ITPR2: variants seen among roughly 807,000 people sequenced by gnomAD.
The protein encoded by ITPR2 is inositol 1,4,5-trisphosphate receptor type 2.
A neutral mutation model predicts 317.1 loss-of-function variants in ITPR2; 207 were observed. The observed-to-expected ratio is 0.65, with a 90% confidence interval of 0.58 to 0.73. The LOEUF (loss-of-function observed/expected upper bound fraction) is 0.73, where lower values mean the gene tolerates loss of function less well. Ranked by LOEUF, ITPR2 falls within the 30% of genes least tolerant of loss-of-function variation. The pLI, the probability that ITPR2 is intolerant of heterozygous loss-of-function variation, is 0.00. For synonymous variants in ITPR2, 1,156 were observed against 1,149.1 expected, an observed-to-expected ratio of 1.01 and a Z score of -0.12; for missense variants, 2,613 against 3,284.0, an observed-to-expected ratio of 0.80 and a Z score of 4.99.
At chr12:26,355,564 T>A (rs754809878) in intron 55 of ITPR2, among the ~76,000 whole-genome samples, 3 of 152,250 alleles carry the variant, frequency 2.0e-5, no homozygotes, top group African/African-American at 4.8e-5. Context: ...AAAATGCCTA[T>A]AACAATGGGT....
At chr12:26,794,454 A>G (rs1241116048) in intron 1 of ITPR2, among the ~76,000 whole-genome samples, 2 of 152,250 alleles carry the variant, frequency 1.3e-5, no homozygotes, top group African/African-American at 4.8e-5. Context: ...GTCCAGAAAT[A>G]TAAATGAAAT....
rs2035550361 is a variant in ITPR2, at chr12:26,725,179, A to T, written c.280-437T>A. On this transcript the variant is annotated intron_variant, in intron 3 of 56. Coordinates refer to ENST00000381340, the MANE Select transcript of ITPR2 (RefSeq NM_002223.4). ...AAAAACCAACCAGGATAATAGTAGA[A>T]TTTCCAAAGTCTCAAAAATAAAAGT... 2.0e-5 allele frequency among the ~76,000 whole-genome samples: 3 copies of T among 152,270 alleles called. No homozygotes were observed. In the South Asian group the frequency reaches 6.2e-4, roughly 32 times the overall value.
At chr12:26,717,017 A>AT in intron 5 of ITPR2, among the ~76,000 whole-genome samples, 1 of 152,292 alleles carries the variant, frequency 6.6e-6, no homozygotes, top group South Asian at 2.1e-4. Flanking sequence ...AATCAAAGTT[A>AT]TCCTTTCTTC....
chr12:26,403,990 T>C (rs568722012), intron 52 of ITPR2, among the ~76,000 whole-genome samples: 5 of 151,782 alleles, frequency 3.3e-5, no homozygotes, highest in Admixed American at 6.6e-5. Context: ...AAAGCCTGAG[T>C]TGGGGTAGGG....
chr12:26,580,049 G>A lies in ITPR2; in HGVS notation c.4487C>T (p.Ser1496Leu). The change falls in exon 33 of 57, where the codon TCA (serine) becomes TTA (leucine). Residue 1496 changes from serine (S) to leucine (L), a missense_variant. Ser to Leu is a moderately radical substitution (Grantham distance 145, BLOSUM62 -2). This residue lies in a region of ITPR2 where 926 missense variants were observed against 1,072.8 expected (regional missense o/e 0.86). Transcript: ENST00000381340. ...IVSGFFNSPF[S>L]DNSTSLQTHQ... The stretch of plus-strand genomic sequence containing the variant: ...TACCTGGAGGCTGGTACTATTGTCT[G>A]AAAAGGGAGAATTAAAGAAGCCGCT... The A allele has an allele frequency of 6.2e-7, 1 of 1,611,742 alleles. No individual in the cohort carries two copies. The highest frequency in any genetic ancestry group is 8.5e-7 in the Non-Finnish European group (1 of 1,178,374).
At chr12:26,801,938 A>T (rs544050600) in intron 1 of ITPR2, among the ~76,000 whole-genome samples, 86 of 152,344 alleles carry the variant, frequency 5.6e-4, no homozygotes, top group Middle Eastern at 3.4e-3. Context: ...ATCCAGCCAT[A>T]GGCTATTTAC....
At chr12:26,461,942 G>A (rs1365963981) in intron 45 of ITPR2, among the ~76,000 whole-genome samples, 6 of 148,088 alleles carry the variant, frequency 4.1e-5, no homozygotes, top group Non-Finnish European at 5.9e-5. Flanking sequence ...TTCCCTTTCC[G>A]AAGCCTGACT....
chr12:26,735,069 C>T (rs1212922439), intron 2 of ITPR2, among the ~76,000 whole-genome samples: 7 of 140,742 alleles, frequency 5.0e-5, no homozygotes, highest in East Asian at 2.2e-4. Flanking sequence ...GGCACGATCT[C>T]GGCTCACCAC....
chr12:26,661,288 GTGGGA>G (rs1947495351), intron 15 of ITPR2, among the ~76,000 whole-genome samples: 2 of 62,088 alleles, frequency 3.2e-5, no homozygotes, highest in Non-Finnish European at 6.4e-5. Flanking sequence ...GGGGGGGGGG[GTGGGA>G]GGGAACGGGC....
In ITPR2 at chr12:26,458,308, G is replaced by A. The variant is rs115709636; in HGVS notation, c.6343-14658C>T. Among the ~76,000 whole-genome samples the A allele has an allele frequency of 2.9e-3, 443 of 152,248 alleles. 1 individual carries two copies. Among genetic ancestry groups the A allele is most frequent in the African/African-American group, 9.8e-3 (408 of 41,544 alleles). On this transcript the variant is annotated intron_variant, in intron 45 of 56. Coordinates refer to ENST00000381340, the MANE Select transcript of ITPR2 (RefSeq NM_002223.4). ...TGAATGCCACTTCTAGTTGGTAGCC[G>A]CTTAGAGAACTGTGCCACTCATGGA...
intron 21 of ITPR2, among the ~76,000 whole-genome samples, chr12:26,633,652 A>T (rs1946800945): frequency 6.6e-6 from 1 of 152,248 alleles, no homozygotes. Context: ...TCAAACAATC[A>T]TAGCAATTGA....
intron 2 of ITPR2, among the ~76,000 whole-genome samples, chr12:26,783,948 A>G (rs998869985): frequency 1.3e-5 from 2 of 152,178 alleles, no homozygotes; most frequent in African/African-American, 4.8e-5. Flanking sequence ...GACTAGATGC[A>G]ACTCAGGATC....
chr12:26,415,221 G>T, intron 51 of ITPR2, 82 bp downstream of exon 51: 2 of 888,264 alleles, frequency 2.3e-6, no homozygotes, highest in Non-Finnish European at 1.7e-6. Flanking sequence ...CTCTATTCGT[G>T]TTTATCTATG....
chr12:26,664,308 T>C (rs2136921889), intron 14 of ITPR2, among the ~76,000 whole-genome samples: 1 of 143,542 alleles, frequency 7.0e-6, no homozygotes, highest in Non-Finnish European at 1.5e-5. Context: ...ACATTGCTTC[T>C]AAACTGCTTT....
At chr12:26,404,490 A>C (rs1279478744) in intron 52 of ITPR2, among the ~76,000 whole-genome samples, 3 of 152,244 alleles carry the variant, frequency 2.0e-5, no homozygotes, top group Non-Finnish European at 4.4e-5. Flanking sequence ...AAATTGCAGA[A>C]TAGTCAAAGG....
chr12:26,778,149 A>G (rs1183803475), intron 2 of ITPR2, among the ~76,000 whole-genome samples: 1 of 152,182 alleles, frequency 6.6e-6, no homozygotes, highest in Non-Finnish European at 1.5e-5. Context: ...GAACCCCCAC[A>G]TTGGCTCCCT....
At chr12:26,588,829 A>G (rs1160471969) in intron 32 of ITPR2, among the ~76,000 whole-genome samples, 1 of 152,214 alleles carries the variant, frequency 6.6e-6, no homozygotes, top group African/African-American at 2.4e-5. Context: ...AGCCTCCTAA[A>G]TTATTTCTTG....
intron 55 of ITPR2, among the ~76,000 whole-genome samples, chr12:26,344,103 T>C (rs1938225810): frequency 6.6e-6 from 1 of 152,122 alleles, no homozygotes; most frequent in Non-Finnish European, 1.5e-5. Context: ...CATCCTATGA[T>C]GATGCAGCAA....
At chr12:26,393,537 T>C (rs1044684834) in intron 54 of ITPR2, among the ~76,000 whole-genome samples, 1 of 152,236 alleles carries the variant, frequency 6.6e-6, no homozygotes, top group South Asian at 2.1e-4. Context: ...CAGCAAAAAG[T>C]ACCTGAAGCC....
Sources: allele counts gnomAD v4.1 joint callset (sites outside exome capture counted in the v4.1 genomes callset), GRCh38; gene constraint gnomAD v4.1.1; regional missense constraint gnomAD v4.1.1; transcripts MANE v1.5; gene names NCBI Gene and HGNC (gene_info 2026-07-23, HGNC 2026-07-21).